The following AFG2A variants were observed in gnomAD, a reference collection of about 807,000 sequenced individuals.
The protein encoded by AFG2A is ATPase family gene 2 protein homolog A.
At chr4:123,220,422 C>T in the AFG2A span, among the ~76,000 whole-genome samples, 14 of 150,890 alleles carry the variant, frequency 9.3e-5, no homozygotes, top group African/African-American at 3.2e-4. Flanking sequence ...CCAGCCTGGC[C>T]GATGTGGTGA....
chr4:123,046,381 G>C, the AFG2A span, among the ~76,000 whole-genome samples: 1 of 152,162 alleles, frequency 6.6e-6, no homozygotes, highest in Non-Finnish European at 1.5e-5. Flanking sequence ...AAAGTGCTTA[G>C]AACAGTTCAT....
chr4:122,948,387 T>TATAC, the AFG2A span, among the ~76,000 whole-genome samples: 1 of 129,550 alleles, frequency 7.7e-6, no homozygotes, highest in Non-Finnish European at 1.6e-5. Flanking sequence ...CTCCAGAGTA[T>TATAC]ACACACACAC....
chr4:123,314,015 G>T, the AFG2A span: 2 of 1,610,520 alleles, frequency 1.2e-6, no homozygotes, highest in Non-Finnish European at 1.7e-6. Flanking sequence ...GAGTCATTGA[G>T]ACGTTTTTAT....
chr4:123,053,014 C>T, the AFG2A span, among the ~76,000 whole-genome samples: 1,227 of 152,234 alleles, frequency 8.1e-3, 3 homozygotes, highest in Middle Eastern at 0.014. Context: ...CTCAGCAAGC[C>T]GGCTTATTTC....
the AFG2A span, among the ~76,000 whole-genome samples, chr4:123,164,808 G>A: frequency 6.6e-6 from 1 of 152,204 alleles, no homozygotes; most frequent in East Asian, 1.9e-4. Flanking sequence ...AACAGACCAA[G>A]TATTCTGGTT....
At chr4:123,121,975 CA>C in the AFG2A span, among the ~76,000 whole-genome samples, 1 of 152,284 alleles carries the variant, frequency 6.6e-6, no homozygotes, top group Non-Finnish European at 1.5e-5. Flanking sequence ...AGCTTTGTCA[CA>C]AGGATATTAT....
the AFG2A span, among the ~76,000 whole-genome samples, chr4:123,074,386 T>A: frequency 2.6e-5 from 4 of 151,850 alleles, no homozygotes; most frequent in Admixed American, 1.3e-4. Context: ...ACTTTTTTTT[T>A]AGGCCTTTCC....
the AFG2A span, among the ~76,000 whole-genome samples, chr4:123,027,345 T>TTTTCCTTTTTATACTTC: frequency 6.6e-6 from 1 of 152,192 alleles, no homozygotes; most frequent in Non-Finnish European, 1.5e-5. Flanking sequence ...ATTTTTTCTC[T>TTTTCCTTTTTATACTTC]TTTCCTTTTT....
chr4:123,021,060 C>T, the AFG2A span, among the ~76,000 whole-genome samples: 1 of 152,120 alleles, frequency 6.6e-6, no homozygotes, highest in Non-Finnish European at 1.5e-5. Flanking sequence ...AACAGCTTTT[C>T]ACTATTTTAA....
the AFG2A span, among the ~76,000 whole-genome samples, chr4:123,265,157 C>G: frequency 6.6e-6 from 1 of 152,164 alleles, no homozygotes; most frequent in South Asian, 2.1e-4. Flanking sequence ...TTTACATGCT[C>G]AGAGAGTTGA....
chr4:123,132,817 G>A, the AFG2A span, among the ~76,000 whole-genome samples: 3 of 130,322 alleles, frequency 2.3e-5, no homozygotes, highest in Non-Finnish European at 4.7e-5. Flanking sequence ...GTCTCGCTCT[G>A]TCGCCCAGGC....
At chr4:123,210,895 G>A in the AFG2A span, among the ~76,000 whole-genome samples, 1 of 151,662 alleles carries the variant, frequency 6.6e-6, no homozygotes, top group South Asian at 2.1e-4. Flanking sequence ...TTTCCTGTTG[G>A]CTAATACAAC....
At chr4:123,008,244 A>G in the AFG2A span, among the ~76,000 whole-genome samples, 3 of 152,168 alleles carry the variant, frequency 2.0e-5, no homozygotes, top group Admixed American at 6.5e-5. Flanking sequence ...GCAGCAAGAG[A>G]GAGATGCCAG....
At chr4:123,017,649 A>T in the AFG2A span, among the ~76,000 whole-genome samples, 2 of 151,804 alleles carry the variant, frequency 1.3e-5, no homozygotes, top group Admixed American at 6.6e-5. Context: ...AATTTGGTAC[A>T]CTTATGATTT....
the AFG2A span, among the ~76,000 whole-genome samples, chr4:123,172,697 C>T: frequency 1.3e-5 from 2 of 152,106 alleles, no homozygotes; most frequent in East Asian, 3.8e-4. Flanking sequence ...ACCACTACTT[C>T]CTATTTTTGA....
the AFG2A span, among the ~76,000 whole-genome samples, chr4:123,294,331 TA>T: frequency 6.6e-5 from 10 of 152,336 alleles, no homozygotes; most frequent in African/African-American, 2.4e-4. Flanking sequence ...GCTATGGAAG[TA>T]ATGTGCTGGG....
At chr4:122,989,573 C>T in the AFG2A span, among the ~76,000 whole-genome samples, 1 of 152,092 alleles carries the variant, frequency 6.6e-6, no homozygotes, top group Non-Finnish European at 1.5e-5. Flanking sequence ...CTGAGACCAG[C>T]CTGGGTCTAC....
chr4:123,240,081 A>C, the AFG2A span, among the ~76,000 whole-genome samples: 1 of 152,196 alleles, frequency 6.6e-6, no homozygotes, highest in Non-Finnish European at 1.5e-5. Context: ...GAAACAAAGA[A>C]GGTCATTACA....
chr4:123,202,530 T>C, the AFG2A span, among the ~76,000 whole-genome samples: 1 of 152,128 alleles, frequency 6.6e-6, no homozygotes, highest in African/African-American at 2.4e-5. Flanking sequence ...CCATAAGCCA[T>C]AGCCCAGCAC....
Sources: gnomAD v4.1 joint callset for allele counts (sites outside exome capture counted in the v4.1 genomes callset) on GRCh38, gnomAD v4.1.1 for gene constraint, MANE v1.5 for transcripts, NCBI Gene and HGNC (gene_info 2026-07-23, HGNC 2026-07-21) for gene names.